Variants in RAP1A observed in about 807,000 individuals in gnomAD.
The protein encoded by RAP1A is RAP1A, member of RAS oncogene family, also known as ras-related protein Rap-1A.
RAP1A carries 6 observed loss-of-function variants against 26.4 expected under a neutral mutation model. The ratio of observed to expected loss-of-function variants is 0.23; its 90% CI spans 0.12 to 0.45. RAP1A has a LOEUF of 0.45. RAP1A is among the 20% of genes least tolerant of loss of function. The probability of loss-of-function intolerance (pLI) is 0.99; values close to 1 mark genes in which losing one functional copy is unlikely to be tolerated. For synonymous variants in RAP1A, 73 were observed against 79.4 expected, an observed-to-expected ratio of 0.92 and a Z score of 0.43; for missense variants, 121 against 217.2, an observed-to-expected ratio of 0.56 and a Z score of 2.78.
chr1:111,578,331 G>A (rs10857898), intron 1 of RAP1A, among the ~76,000 whole-genome samples: 89,988 of 151,724 alleles, frequency 0.59, 26,792 homozygotes, highest in Admixed American at 0.61. Flanking sequence ...CAATAGATAA[G>A]GTTACACAGC....
chr1:111,635,313 A>G (rs1341849698), intron 1 of RAP1A, among the ~76,000 whole-genome samples: 2 of 152,220 alleles, frequency 1.3e-5, no homozygotes, highest in South Asian at 2.1e-4. Context: ...ACTTATTTAT[A>G]TAAATGGTAT....
intron 1 of RAP1A, among the ~76,000 whole-genome samples, chr1:111,662,930 G>C (rs1463823534): frequency 6.6e-6 from 1 of 150,828 alleles, no homozygotes; most frequent in Non-Finnish European, 1.5e-5. Context: ...TTGTTGTTGT[G>C]TTTTTGACAC....
chr1:111,597,586 G>A (rs1470326905), intron 1 of RAP1A, among the ~76,000 whole-genome samples: 2 of 152,170 alleles, frequency 1.3e-5, no homozygotes, highest in Admixed American at 1.3e-4. Flanking sequence ...AAGAAAAAGC[G>A]ATATTTAAAA....
chr1:111,648,791 T>C, intron 1 of RAP1A: 1 of 649,496 alleles, frequency 1.5e-6, no homozygotes. Flanking sequence ...CTAGCTCCTG[T>C]CGATTCTTTC....
chr1:111,679,460 C>A (rs192357001), intron 1 of RAP1A, among the ~76,000 whole-genome samples: 1 of 152,174 alleles, frequency 6.6e-6, no homozygotes, highest in South Asian at 2.1e-4. Context: ...CAAAACTGGG[C>A]GGCTGTTTGA....
rs1662275195 is a variant in RAP1A at position 111,708,650 on chromosome 1, G to A, written c.469-499G>A. On this transcript the variant is annotated intron_variant, in intron 6 of 7. Transcript: ENST00000369709. ...ATGTGTCAATCCTTAAATGTCTCAAGTGCAATAACTATAACGTGTTTATGT... is the reference window on the plus strand; with the variant it reads ...ATGTGTCAATCCTTAAATGTCTCAAATGCAATAACTATAACGTGTTTATGT... Among the ~76,000 whole-genome samples the A allele has an allele frequency of 3.3e-5, 5 of 152,322 alleles. No individual in the cohort carries two copies. The South Asian group carries it at 1.0e-3, about 32-fold the overall frequency.
chr1:111,684,131 T>G (rs537805005), intron 1 of RAP1A, among the ~76,000 whole-genome samples: 1 of 152,154 alleles, frequency 6.6e-6, no homozygotes, highest in Non-Finnish European at 1.5e-5. Flanking sequence ...CTAAAAACTC[T>G]CAATAAACTA....
chr1:111,546,683 T>A (rs1471077898), intron 1 of RAP1A, among the ~76,000 whole-genome samples: 2 of 152,212 alleles, frequency 1.3e-5, no homozygotes, highest in African/African-American at 2.4e-5. Flanking sequence ...GATAGACACT[T>A]GGTTGCTTCC....
chr1:111,582,814 G>A (rs774665231), intron 1 of RAP1A, among the ~76,000 whole-genome samples: 6 of 152,214 alleles, frequency 3.9e-5, no homozygotes, highest in African/African-American at 2.4e-5. Context: ...GTGTTAGAAA[G>A]TGTGACCTAA....
intron 1 of RAP1A, among the ~76,000 whole-genome samples, chr1:111,600,446 T>C (rs1337497135): frequency 6.6e-6 from 1 of 152,246 alleles, no homozygotes; most frequent in Non-Finnish European, 1.5e-5. Context: ...AAGCCTCCTC[T>C]TCCAGCCAGT....
chr1:111,544,224 GT>G (rs1293647010), intron 1 of RAP1A, among the ~76,000 whole-genome samples: 1 of 152,112 alleles, frequency 6.6e-6, no homozygotes, highest in Non-Finnish European at 1.5e-5. Context: ...TGTTTAAAAA[GT>G]TGAGATCAAA....
intron 7 of RAP1A, among the ~76,000 whole-genome samples, chr1:111,709,513 G>A (rs1662309876): frequency 1.3e-5 from 2 of 152,108 alleles, no homozygotes; most frequent in South Asian, 2.1e-4. Context: ...TTGATACAGA[G>A]TTGGGTTTTA....
intron 1 of RAP1A, among the ~76,000 whole-genome samples, chr1:111,586,747 A>T (rs567828229): frequency 4.3e-4 from 65 of 152,198 alleles, no homozygotes; most frequent in Non-Finnish European, 6.5e-4. Context: ...GTATAGATGA[A>T]AGGATGAATG....
chr1:111,674,312 C>T (rs1661061226), intron 1 of RAP1A, among the ~76,000 whole-genome samples: 1 of 150,656 alleles, frequency 6.6e-6, no homozygotes, highest in Non-Finnish European at 1.5e-5. Context: ...CATGGAATCA[C>T]CTAATACAGA....
chr1:111,620,164 C>T (rs1160663179), intron 1 of RAP1A, among the ~76,000 whole-genome samples: 3 of 152,200 alleles, frequency 2.0e-5, no homozygotes, highest in Non-Finnish European at 4.4e-5. Context: ...GCCCGCGGAC[C>T]GACCCGGTCG....
intron 1 of RAP1A, among the ~76,000 whole-genome samples, chr1:111,613,348 C>T (rs935033708): frequency 9.2e-5 from 14 of 151,998 alleles, no homozygotes; most frequent in African/African-American, 3.1e-4. Context: ...TACAGGCGCC[C>T]GCCACCATGC....
Position 111,695,384 on chromosome 1 carries a change from C to T in RAP1A, c.101C>T (p.Pro34Leu), listed in dbSNP as rs183128692. The change falls in exon 3 of 8, where the codon CCA becomes CTA. Residue 34 changes from proline to leucine, a missense_variant. Physicochemically the swap from Pro to Leu is moderately conservative, Grantham distance 98 (BLOSUM62 -3). Transcript: ENST00000369709. ...VQGIFVEKYD[P>L]TIEDSYRKQV... ...GGAATTTTTGTTGAAAAATATGACC[C>T]AACGATAGAAGATTCCTACAGAAAG... 1 of 1,568,640 alleles carries T rather than the reference C, an allele frequency of 6.4e-7. No individual in the cohort carries two copies. Among genetic ancestry groups the T allele is most frequent in the Admixed American group, 2.0e-5 (1 of 49,908 alleles).
intron 1 of RAP1A, among the ~76,000 whole-genome samples, chr1:111,654,157 C>T (rs1239940869): frequency 2.0e-5 from 3 of 152,174 alleles, no homozygotes; most frequent in Admixed American, 6.5e-5. Flanking sequence ...AAGGACTCTC[C>T]GCCATGGTAT....
intron 4 of RAP1A, among the ~76,000 whole-genome samples, chr1:111,699,840 T>TCCCTTATATCTTCAA (rs1553227969): frequency 1.3e-5 from 2 of 152,174 alleles, no homozygotes; most frequent in Admixed American, 6.6e-5. Flanking sequence ...CTTTTTATTA[T>TCCCTTATATCTTCAA]CCCTTATATC....
Sources: gnomAD v4.1 joint callset for allele counts (sites outside exome capture counted in the v4.1 genomes callset) on GRCh38, gnomAD v4.1.1 for gene constraint, MANE v1.5 for transcripts, NCBI Gene and HGNC (gene_info 2026-07-23, HGNC 2026-07-21) for gene names.